Variants in CNKSR2 observed in about 807,000 individuals in gnomAD.
CNKSR2 encodes CNK homolog protein 2.
A neutral mutation model predicts 84.4 loss-of-function variants in CNKSR2; 14 were observed. The observed-to-expected ratio is 0.17, with a 90% confidence interval of 0.11 to 0.26. CNKSR2 has a LOEUF of 0.26. Among genes scored for constraint, CNKSR2 ranks in the 10% least tolerant of loss-of-function variants. The pLI is 1.00. For synonymous variants in CNKSR2, 275 were observed against 277.9 expected, an observed-to-expected ratio of 0.99 and a Z score of 0.10; for missense variants, 485 against 771.2, an observed-to-expected ratio of 0.63 and a Z score of 4.40.
chrX:21,605,540 A>G (rs2092511501), intron 18 of CNKSR2, among the ~76,000 whole-genome samples: 1 of 111,919 alleles, frequency 8.9e-6, no homozygotes. Context: ...TCATCAATAT[A>G]CACATCAAAC....
chrX:21,485,222 G>A (rs1463446713), intron 5 of CNKSR2, among the ~76,000 whole-genome samples: 17 of 111,494 alleles, frequency 1.5e-4, no homozygotes, highest in South Asian at 7.5e-4. Flanking sequence ...AAAACTTCAT[G>A]TATTAATCTT....
chrX:21,445,011 C>T (rs1343786719), intron 4 of CNKSR2, among the ~76,000 whole-genome samples: 1 of 111,181 alleles, frequency 9.0e-6, no homozygotes, highest in South Asian at 3.8e-4. Context: ...CGTATTCTAT[C>T]GTTCATATGG....
intron 4 of CNKSR2, among the ~76,000 whole-genome samples, chrX:21,447,761 T>C (rs938936277): frequency 2.7e-5 from 3 of 111,787 alleles, no homozygotes; most frequent in Non-Finnish European, 3.8e-5. Context: ...AATAAGTGTT[T>C]GTTGAAAGAA....
At chrX:21,594,073 A>C (rs2092437178) in intron 15 of CNKSR2, 1 of 112,070 alleles carries the variant, frequency 8.9e-6, no homozygotes, top group Non-Finnish European at 1.9e-5. Flanking sequence ...AATCGACCTA[A>C]ATGCATATCA....
intron 4 of CNKSR2, among the ~76,000 whole-genome samples, chrX:21,470,479 A>G (rs779195604): frequency 7.1e-4 from 79 of 110,957 alleles, no homozygotes; most frequent in Non-Finnish European, 6.0e-4. Flanking sequence ...TATTTTTTCA[A>G]TATTTGTTTT....
At chrX:21,483,617 A>AT (rs1345851679) in intron 5 of CNKSR2, among the ~76,000 whole-genome samples, 2 of 101,059 alleles carry the variant, frequency 2.0e-5, no homozygotes, top group African/African-American at 3.5e-5. Flanking sequence ...TATATATATA[A>AT]AAGAAATTCT....
At chrX:21,542,994 G>A (rs912282160) in intron 11 of CNKSR2, among the ~76,000 whole-genome samples, 13 of 112,253 alleles carry the variant, frequency 1.2e-4, no homozygotes, top group Non-Finnish European at 2.4e-4. Flanking sequence ...GAGTAGTTGG[G>A]ACAAGAGAAA....
intron 5 of CNKSR2, among the ~76,000 whole-genome samples, chrX:21,483,596 AT>A (rs2091346799): frequency 1.3e-5 from 1 of 75,609 alleles, no homozygotes; most frequent in East Asian, 4.8e-4. Flanking sequence ...ATAATAAAAT[AT>A]ATATATATAT....
intron 1 of CNKSR2, among the ~76,000 whole-genome samples, chrX:21,414,356 G>A (rs1446568032): frequency 5.4e-5 from 6 of 110,604 alleles, no homozygotes; most frequent in Non-Finnish European, 9.5e-5. Context: ...CCTTATGGCC[G>A]TTTGTATGTC....
chrX:21,420,909 C>T (rs775166909), intron 1 of CNKSR2, among the ~76,000 whole-genome samples: 27 of 111,288 alleles, frequency 2.4e-4, no homozygotes, highest in Non-Finnish European at 4.7e-4. Context: ...TTGTGTGTCA[C>T]CCCTATCCAC....
rs1341586563 is a variant in CNKSR2 at position 21,527,004 on chromosome X, T to C, written c.1091+4T>C. 2 of 1,203,614 alleles carry C rather than the reference T, an allele frequency of 1.7e-6. No individual in the cohort carries two copies. The highest frequency in any genetic ancestry group is 3.5e-5 in the South Asian group (2 of 56,485). On this transcript the variant is annotated splice_donor_region_variant and intron_variant, in intron 10 of 21. Transcript: ENST00000379510. ...CTGCAGAACCATATATTCCCAGGTA[T>C]AAAACTATCACGTTGTCCTAGGCAG... is the stretch of plus-strand genomic sequence containing the variant.
At chrX:21,378,843 C>G (rs906288835) in intron 1 of CNKSR2, among the ~76,000 whole-genome samples, 1 of 111,404 alleles carries the variant, frequency 9.0e-6, no homozygotes, top group Non-Finnish European at 1.9e-5. Flanking sequence ...CTTACCATCT[C>G]TGTGATTTAG....
chrX:21,542,155 A>G (rs1027674557), intron 11 of CNKSR2, among the ~76,000 whole-genome samples: 3 of 112,428 alleles, frequency 2.7e-5, no homozygotes, highest in African/African-American at 9.7e-5. Context: ...ATCAGAGAGT[A>G]TAAAATAGGT....
intron 11 of CNKSR2, among the ~76,000 whole-genome samples, chrX:21,548,170 C>T (rs2092047082): frequency 9.0e-6 from 1 of 111,323 alleles, no homozygotes; most frequent in African/African-American, 3.3e-5. Context: ...AAATAAACCA[C>T]TAGCCAGACT....
At chrX:21,568,892 T>G (rs1188452004) in intron 13 of CNKSR2, among the ~76,000 whole-genome samples, 2 of 111,166 alleles carry the variant, frequency 1.8e-5, no homozygotes, top group Non-Finnish European at 3.8e-5. Context: ...ATAGCATAAT[T>G]TAACAGAAAC....
chrX:21,642,871 G>T (rs1238151814), intron 20 of CNKSR2: 1 of 729,146 alleles, frequency 1.4e-6, no homozygotes, highest in Non-Finnish European at 1.6e-6. Flanking sequence ...CCTTACAATT[G>T]CCTCTGTGCT....
intron 8 of CNKSR2, chrX:21,505,640 C>T (rs185117619): frequency 3.6e-4 from 40 of 111,522 alleles, no homozygotes; most frequent in Non-Finnish European, 6.0e-4. Flanking sequence ...ATTTTGGACT[C>T]TGTCCTCACT....
At chrX:21,381,771 C>G (rs2089902654) in intron 1 of CNKSR2, among the ~76,000 whole-genome samples, 1 of 111,638 alleles carries the variant, frequency 9.0e-6, no homozygotes, top group African/African-American at 3.3e-5. Context: ...TTAATATGTT[C>G]CCTATCCCTC....
chrX:21,490,201 A>G (rs925277069), intron 5 of CNKSR2, among the ~76,000 whole-genome samples: 12 of 111,828 alleles, frequency 1.1e-4, no homozygotes, highest in African/African-American at 3.9e-4. Flanking sequence ...GGTAAATCAA[A>G]TAATAGAAAC....
Sources: allele counts gnomAD v4.1 joint callset (sites outside exome capture counted in the v4.1 genomes callset), GRCh38; gene constraint gnomAD v4.1.1; transcripts MANE v1.5; gene names NCBI Gene and HGNC (gene_info 2026-07-23, HGNC 2026-07-21).